TNIK: variants seen among roughly 807,000 people sequenced by gnomAD.
TNIK encodes TRAF2 and NCK-interacting protein kinase.
TNIK carries 49 observed loss-of-function variants against 191.3 expected under a neutral mutation model. The observed-to-expected ratio is 0.26, with a 90% confidence interval of 0.20 to 0.32. The LOEUF is 0.32. Among genes scored for constraint, TNIK ranks in the 10% least tolerant of loss-of-function variants. The pLI is 1.00. For synonymous variants in TNIK, 594 were observed against 600.9 expected (o/e 0.99, Z 0.17); for missense variants, 1,155 against 1,702.3 (o/e 0.68, Z 5.66).
At chr3:171,108,342 A>C (rs1029767737) in intron 19 of TNIK, among the ~76,000 whole-genome samples, 180 bp from the exon 20 acceptor site, 2 of 152,202 alleles carry the variant, frequency 1.3e-5, no homozygotes, top group Non-Finnish European at 2.9e-5. Context: ...AAACACATTT[A>C]GGCTTGTGAC....
chr3:171,241,374 CA>C (rs1744966908), intron 2 of TNIK, among the ~76,000 whole-genome samples: 1 of 152,150 alleles, frequency 6.6e-6, no homozygotes, highest in African/African-American at 2.4e-5. Context: ...TCTGATAGAA[CA>C]AGTACTGTTA....
intron 2 of TNIK, among the ~76,000 whole-genome samples, chr3:171,369,349 C>T (rs1021510984): frequency 1.3e-5 from 2 of 152,258 alleles, no homozygotes; most frequent in East Asian, 1.9e-4. Flanking sequence ...GGAAACTGAA[C>T]GCTTGAAGAG....
chr3:171,065,464 A>G (rs1440382857), intron 32 of TNIK, among the ~76,000 whole-genome samples: 4 of 152,224 alleles, frequency 2.6e-5, no homozygotes, highest in African/African-American at 7.2e-5. Context: ...CTTTGGGGAC[A>G]GCATTTCTAT....
Position 171,257,283 on chromosome 3 carries a change from T to G in TNIK, c.124-29062A>C, listed in dbSNP as rs182598202. Among the ~76,000 whole-genome samples the G allele has an allele frequency of 2.9e-4, 44 of 152,298 alleles. No individual in the cohort carries two copies. The East Asian group carries it at 6.9e-3, about 24-fold the overall frequency. On this transcript the variant is annotated intron_variant, in intron 2 of 32. Coordinates refer to ENST00000436636, the MANE Select transcript of TNIK (RefSeq NM_015028.4). The stretch of plus-strand genomic sequence containing the variant: ...TTAATGTAAAAAGAGGTTTAAATGA[T>G]TCCATGTAACTGGCCATCATGGCAG...
At chr3:171,335,977 A>G (rs1756916992) in intron 2 of TNIK, among the ~76,000 whole-genome samples, 1 of 152,156 alleles carries the variant, frequency 6.6e-6, no homozygotes, top group Non-Finnish European at 1.5e-5. Flanking sequence ...TACAGTGCGT[A>G]GTGTATCTCG....
At chr3:171,088,781 C>T (rs1038744833) in intron 23 of TNIK, among the ~76,000 whole-genome samples, 7 of 152,218 alleles carry the variant, frequency 4.6e-5, no homozygotes, top group Admixed American at 3.9e-4. Context: ...ACTAGTGTTG[C>T]ACTTTTTAAC....
intron 2 of TNIK, among the ~76,000 whole-genome samples, chr3:171,295,689 TG>T (rs141605557): frequency 0.018 from 2,810 of 152,322 alleles, 90 homozygotes; most frequent in African/African-American, 0.065. Context: ...TTTTACACTG[TG>T]GCTGCCTGGA....
At chr3:171,126,202 C>A in intron 16 of TNIK, 51 bp from the exon 17 acceptor site, 4 of 1,472,206 alleles carry the variant, frequency 2.7e-6, no homozygotes, top group Middle Eastern at 2.0e-4. Flanking sequence ...AAAAAGAGAT[C>A]AGCCAGTACC....
intron 2 of TNIK, among the ~76,000 whole-genome samples, chr3:171,273,189 C>T (rs566676853): frequency 2.0e-5 from 3 of 152,270 alleles, no homozygotes; most frequent in East Asian, 3.9e-4. Flanking sequence ...ACTAGAGATG[C>T]GGACCAGAGA....
At chr3:171,372,167 T>G (rs895988576) in intron 1 of TNIK, among the ~76,000 whole-genome samples, 1 of 152,168 alleles carries the variant, frequency 6.6e-6, no homozygotes, top group Non-Finnish European at 1.5e-5. Context: ...CTCTTTTCTC[T>G]CCTTGAATAA....
intron 2 of TNIK, among the ~76,000 whole-genome samples, chr3:171,271,197 G>A (rs569029913): frequency 2.6e-5 from 4 of 152,198 alleles, no homozygotes; most frequent in East Asian, 1.9e-4. Context: ...TTCTAATTGC[G>A]CACGTTTCCT....
intron 2 of TNIK, among the ~76,000 whole-genome samples, chr3:171,283,403 T>A (rs6801364): frequency 0.019 from 2,883 of 152,220 alleles, 98 homozygotes; most frequent in African/African-American, 0.066. Context: ...GCCAATAGTA[T>A]AACTAAAGGA....
chr3:171,328,776 G>A (rs1756094226), intron 2 of TNIK, among the ~76,000 whole-genome samples: 1 of 152,160 alleles, frequency 6.6e-6, no homozygotes, highest in Non-Finnish European at 1.5e-5. Flanking sequence ...GTGTGGGGGT[G>A]GATTCTGCCT....
At chr3:171,130,182 C>A (rs1443168903) in intron 15 of TNIK, among the ~76,000 whole-genome samples, 1 of 152,198 alleles carries the variant, frequency 6.6e-6, no homozygotes, top group Non-Finnish European at 1.5e-5. Flanking sequence ...TATTTTCCCC[C>A]ATCCTCCCTA....
At position 171,299,803 on chromosome 3, in the gene TNIK, CAG is replaced by C. The variant is rs1465635279; in HGVS notation, c.123+69815_123+69816del. Reference sequence around the variant, plus strand: ...GATATTTGGTAGCACCTCTTCTTGACAGAGTCTTAAGTGTGCTGAGTGGTAGC... The same window carrying C: ...GATATTTGGTAGCACCTCTTCTTGACAGTCTTAAGTGTGCTGAGTGGTAGC... On this transcript the variant is annotated intron_variant, in intron 2 of 32. Transcript: ENST00000436636. 2.0e-5 allele frequency among the ~76,000 whole-genome samples: 3 copies of C among 152,176 alleles called. No individual in the cohort carries two copies. In the East Asian group the frequency reaches 5.8e-4, roughly 29 times the overall value.
At chr3:171,185,659 T>C (rs1056327948) in intron 7 of TNIK, among the ~76,000 whole-genome samples, 1 of 152,160 alleles carries the variant, frequency 6.6e-6, no homozygotes, top group Admixed American at 6.5e-5. Flanking sequence ...GCCCAGTAGA[T>C]ATCACACAAA....
At chr3:171,085,505 C>T (rs1228559878) in intron 24 of TNIK, among the ~76,000 whole-genome samples, 1 of 152,220 alleles carries the variant, frequency 6.6e-6, no homozygotes, top group Admixed American at 6.5e-5. Context: ...ACCTTAAAAT[C>T]TGTAAGATCA....
intron 8 of TNIK, among the ~76,000 whole-genome samples, chr3:171,176,376 G>A (rs545455263): frequency 2.6e-5 from 4 of 152,138 alleles, no homozygotes; most frequent in Admixed American, 6.6e-5. Flanking sequence ...ATGACCTGTC[G>A]TGCAAATAAA....
At chr3:171,247,223 C>T (rs985534717) in intron 2 of TNIK, among the ~76,000 whole-genome samples, 18 of 152,196 alleles carry the variant, frequency 1.2e-4, no homozygotes, top group South Asian at 2.1e-4. Context: ...CCTTCCTACC[C>T]GCTACCACTC....
Sources: allele counts gnomAD v4.1 joint callset (sites outside exome capture counted in the v4.1 genomes callset), GRCh38; gene constraint gnomAD v4.1.1; transcripts MANE v1.5; gene names NCBI Gene and HGNC (gene_info 2026-07-23, HGNC 2026-07-21).